Variants in PTPRD observed in about 807,000 individuals in gnomAD.
PTPRD encodes the protein protein tyrosine phosphatase receptor type D.
Under a neutral mutation model 214.5 loss-of-function variants are expected in PTPRD, and 34 were observed. The ratio of observed to expected loss-of-function variants is 0.16; its 90% CI spans 0.12 to 0.21. The LOEUF (loss-of-function observed/expected upper bound fraction) is 0.21, where lower values mean the gene tolerates loss of function less well. Ranked by LOEUF, PTPRD falls within the 10% of genes least tolerant of loss-of-function variation. The pLI, the probability that PTPRD is intolerant of heterozygous loss-of-function variation, is 1.00. For synonymous variants in PTPRD, 1,128 were observed against 845.7 expected (o/e 1.33, Z -5.79); for missense variants, 2,545 against 2,398.7 (o/e 1.06, Z -1.27).
intron 3 of PTPRD, among the ~76,000 whole-genome samples, chr9:10,208,401 C>CTA (rs1213913845): frequency 1.3e-5 from 2 of 152,176 alleles, no homozygotes; most frequent in Admixed American, 1.3e-4. Context: ...GTAGTCCCAG[C>CTA]TACTCGGGAG....
intron 36 of PTPRD, among the ~76,000 whole-genome samples, chr9:8,402,382 A>T (rs1452131602): frequency 6.6e-6 from 1 of 152,194 alleles, no homozygotes; most frequent in Non-Finnish European, 1.5e-5. Context: ...TTATCCCTCA[A>T]CATACTTTAA....
At chr9:10,230,436 G>GTGTCTATCTATC (rs199914356) in intron 3 of PTPRD, among the ~76,000 whole-genome samples, 1,608 of 140,738 alleles carry the variant, frequency 0.011, 17 homozygotes, top group East Asian at 0.033. Context: ...ATGTATCTAT[G>GTGTCTATCTATC]TATCTATCTA....
chr9:10,442,914 C>T (rs1271137626), intron 2 of PTPRD, among the ~76,000 whole-genome samples: 1 of 151,316 alleles, frequency 6.6e-6, no homozygotes, highest in African/African-American at 2.4e-5. Context: ...CCTTTCTTGA[C>T]ATGTATTAGT....
chr9:8,838,080 A>C (rs898472743), intron 11 of PTPRD, among the ~76,000 whole-genome samples: 1 of 152,186 alleles, frequency 6.6e-6, no homozygotes, highest in Non-Finnish European at 1.5e-5. Context: ...AAAATCTCTA[A>C]GAAAATCTTA....
chr9:10,094,452 T>C (rs2098462961), intron 3 of PTPRD, among the ~76,000 whole-genome samples: 1 of 151,182 alleles, frequency 6.6e-6, no homozygotes, highest in Admixed American at 6.6e-5. Context: ...ATCATTTATG[T>C]CTTAATTAAT....
rs577499790 is a variant in PTPRD, at chr9:9,015,516, T to C, written c.-104+3181A>G. 3.3e-5 allele frequency among the ~76,000 whole-genome samples: 5 copies of C among 152,278 alleles called. No homozygotes were observed. In the South Asian group the frequency reaches 1.0e-3, roughly 32 times the overall value. ...CCTTGTTTAGCATATCATCAAGAAA[T>C]AACCATAAAAATGGGCAACCAGCTG... On this transcript the variant is annotated intron_variant, in intron 11 of 45. Transcript: ENST00000381196.
At chr9:10,003,829 A>C (rs1349527322) in intron 4 of PTPRD, among the ~76,000 whole-genome samples, 2 of 151,770 alleles carry the variant, frequency 1.3e-5, no homozygotes, top group Non-Finnish European at 3.0e-5. Context: ...TTAAATTTCA[A>C]ATTCTAAATT....
chr9:10,202,403 T>G (rs1256823335), intron 3 of PTPRD, among the ~76,000 whole-genome samples: 1 of 151,850 alleles, frequency 6.6e-6, no homozygotes, highest in Non-Finnish European at 1.5e-5. Flanking sequence ...CGAGATAACC[T>G]TAGTCTAAGG....
At chr9:10,503,201 A>AAAAAAAC (rs1184060392) in intron 2 of PTPRD, among the ~76,000 whole-genome samples, 5 of 134,556 alleles carry the variant, frequency 3.7e-5, no homozygotes, top group South Asian at 2.2e-4. Flanking sequence ...TACAAAAAAA[A>AAAAAAAC]AAAAAACAAA....
At chr9:10,438,425 T>C (rs1042317819) in intron 2 of PTPRD, among the ~76,000 whole-genome samples, 2 of 151,670 alleles carry the variant, frequency 1.3e-5, no homozygotes, top group Non-Finnish European at 2.9e-5. Context: ...TAGAGGAGCA[T>C]CTATACGGTG....
chr9:9,958,282 C>T (rs541863500), intron 4 of PTPRD, among the ~76,000 whole-genome samples: 5 of 152,292 alleles, frequency 3.3e-5, no homozygotes, highest in African/African-American at 1.2e-4. Context: ...GTAATCCCAG[C>T]ACTTTGGGAG....
chr9:8,429,119 A>G (rs9792633), intron 35 of PTPRD, among the ~76,000 whole-genome samples: 5,078 of 152,352 alleles, frequency 0.033, 117 homozygotes, highest in East Asian at 0.12. Context: ...GGTAACTATG[A>G]CATTTTCACA....
intron 9 of PTPRD, among the ~76,000 whole-genome samples, chr9:9,270,739 G>C (rs1289122115): frequency 6.6e-6 from 1 of 151,438 alleles, no homozygotes; most frequent in South Asian, 2.1e-4. Flanking sequence ...AATGGATTTA[G>C]AGAGAGCACT....
chr9:8,853,538 T>A (rs2097857693), intron 11 of PTPRD, among the ~76,000 whole-genome samples: 1 of 152,146 alleles, frequency 6.6e-6, no homozygotes, highest in South Asian at 2.1e-4. Flanking sequence ...AGAAAATGTA[T>A]CCCAAACAAA....
At chr9:9,478,950 C>T (rs964615710) in intron 8 of PTPRD, among the ~76,000 whole-genome samples, 3 of 152,156 alleles carry the variant, frequency 2.0e-5, no homozygotes, top group African/African-American at 7.2e-5. Flanking sequence ...TCATAGTAAA[C>T]ATGGCCTAAA....
rs572443598 is a variant in PTPRD at position 9,076,796 on chromosome 9, T to G, written c.-142-58061A>C. 3.3e-5 allele frequency among the ~76,000 whole-genome samples: 5 copies of G among 151,740 alleles called. No homozygotes were observed. In the South Asian group the frequency reaches 1.0e-3, roughly 31 times the overall value. The stretch of plus-strand genomic sequence containing the variant: ...TCTCTTCAATATGATAATTTCCTTT[T>G]TTTTTTTTTTGGTTATATACCTAGC... On this transcript the variant is annotated intron_variant, in intron 10 of 45. Transcript: ENST00000381196.
intron 4 of PTPRD, among the ~76,000 whole-genome samples, chr9:9,956,555 C>T (rs2093947973): frequency 6.6e-6 from 1 of 151,834 alleles, no homozygotes; most frequent in South Asian, 2.1e-4. Flanking sequence ...ACAGAAGATA[C>T]ATATGTTTTG....
intron 12 of PTPRD, among the ~76,000 whole-genome samples, chr9:8,697,425 T>C (rs2097943322): frequency 7.0e-6 from 1 of 142,174 alleles, no homozygotes; most frequent in Admixed American, 7.0e-5. Context: ...TACTTTTTTT[T>C]TTTTTTTTTT....
chr9:10,485,028 A>ATT (rs34004774), intron 2 of PTPRD, among the ~76,000 whole-genome samples: 6 of 149,536 alleles, frequency 4.0e-5, no homozygotes, highest in African/African-American at 1.5e-4. Context: ...TTTTTACTTG[A>ATT]TTTTTTTTTT....
Sources: gnomAD v4.1 joint callset for allele counts (sites outside exome capture counted in the v4.1 genomes callset) on GRCh38, gnomAD v4.1.1 for gene constraint, MANE v1.5 for transcripts, NCBI Gene and HGNC (gene_info 2026-07-23, HGNC 2026-07-21) for gene names.